LUZP2: variants seen among roughly 807,000 people sequenced by gnomAD.
LUZP2 encodes the protein leucine zipper protein 2.
Under a neutral mutation model 51.6 loss-of-function variants are expected in LUZP2, and 52 were observed. The observed-to-expected ratio is 1.01, with a 90% CI of 0.81 to 1.27. The LOEUF (loss-of-function observed/expected upper bound fraction) is 1.27, where lower values mean the gene tolerates loss of function less well. LUZP2 is among the 50% of genes most tolerant of loss of function. The pLI is 0.00. For synonymous variants in LUZP2, 154 were observed against 137.3 expected (o/e 1.12, Z -0.85); for missense variants, 436 against 395.4 (o/e 1.10, Z -0.87).
chr11:24,808,414 T>C (rs866068152), intron 5 of LUZP2, among the ~76,000 whole-genome samples: 1 of 152,216 alleles, frequency 6.6e-6, no homozygotes, highest in African/African-American at 2.4e-5. Flanking sequence ...ACCTTTCCTG[T>C]AGGTGTTATC....
intron 1 of LUZP2, among the ~76,000 whole-genome samples, chr11:24,720,720 T>C (rs1239059530): frequency 6.6e-6 from 1 of 152,182 alleles, no homozygotes; most frequent in African/African-American, 2.4e-5. Flanking sequence ...TGTTTTGTTT[T>C]GAGACAGAGT....
chr11:24,965,024 A>G (rs1208788847), intron 7 of LUZP2, among the ~76,000 whole-genome samples: 1 of 151,690 alleles, frequency 6.6e-6, no homozygotes, highest in Non-Finnish European at 1.5e-5. Flanking sequence ...ATTAAGATTT[A>G]AAAGCTATGT....
At chr11:24,546,823 T>G (rs1276192062) in intron 1 of LUZP2, among the ~76,000 whole-genome samples, 1 of 152,060 alleles carries the variant, frequency 6.6e-6, no homozygotes, top group Admixed American at 6.6e-5. Flanking sequence ...TCCTCAATTT[T>G]TTAAAATAGT....
intron 1 of LUZP2, among the ~76,000 whole-genome samples, chr11:24,603,909 G>T (rs1223832209): frequency 6.6e-6 from 1 of 151,578 alleles, no homozygotes; most frequent in Non-Finnish European, 1.5e-5. Context: ...TTATTATTGT[G>T]ATATTATCCA....
intron 1 of LUZP2, among the ~76,000 whole-genome samples, chr11:24,574,398 C>CTT (rs1852569202): frequency 1.4e-5 from 2 of 137,940 alleles, no homozygotes; most frequent in Non-Finnish European, 3.1e-5. Flanking sequence ...TCTTTCATCT[C>CTT]TCTCTCTCTC....
At chr11:24,638,657 G>A (rs963196747) in intron 1 of LUZP2, among the ~76,000 whole-genome samples, 9 of 151,426 alleles carry the variant, frequency 5.9e-5, no homozygotes, top group Admixed American at 3.9e-4. Context: ...AGGGCATATT[G>A]TGAAAAGAAA....
At chr11:24,570,773 C>A (rs1852410132) in intron 1 of LUZP2, among the ~76,000 whole-genome samples, 1 of 151,914 alleles carries the variant, frequency 6.6e-6, no homozygotes, top group African/African-American at 2.4e-5. Context: ...AATGGGGAAG[C>A]CAAGAGGTGG....
At chr11:24,631,097 C>T (rs1854873761) in intron 1 of LUZP2, among the ~76,000 whole-genome samples, 1 of 151,876 alleles carries the variant, frequency 6.6e-6, no homozygotes, top group Non-Finnish European at 1.5e-5. Context: ...TTTTCTGGTG[C>T]CATCTTTAGG....
intron 9 of LUZP2, among the ~76,000 whole-genome samples, chr11:25,040,493 TG>T (rs1858021563): frequency 1.3e-5 from 2 of 151,996 alleles, no homozygotes; most frequent in African/African-American, 4.8e-5. Flanking sequence ...CCTATTAAGG[TG>T]GAAGTCAAAG....
At chr11:24,615,473 G>A (rs1307062642) in intron 1 of LUZP2, among the ~76,000 whole-genome samples, 1 of 151,988 alleles carries the variant, frequency 6.6e-6, no homozygotes, top group Non-Finnish European at 1.5e-5. Flanking sequence ...CATCCAAATT[G>A]TTGCTTGAAT....
chr11:24,560,583 G>T (rs1430325241), intron 1 of LUZP2, among the ~76,000 whole-genome samples: 1 of 152,076 alleles, frequency 6.6e-6, no homozygotes, highest in East Asian at 1.9e-4. Flanking sequence ...AGAACACATA[G>T]GTAGCTTGAA....
intron 5 of LUZP2, among the ~76,000 whole-genome samples, chr11:24,839,179 A>G (rs756289385): frequency 1.4e-4 from 21 of 151,540 alleles, no homozygotes; most frequent in Non-Finnish European, 2.8e-4. Flanking sequence ...CTTTCAAATA[A>G]TTTTTTAAAA....
At chr11:25,066,516 G>A (rs896011868) in intron 10 of LUZP2, among the ~76,000 whole-genome samples, 7 of 151,916 alleles carry the variant, frequency 4.6e-5, no homozygotes, top group East Asian at 3.9e-4. Context: ...AATGACATTC[G>A]CTAAGGGGCT....
chr11:24,539,687 A>G (rs970787992), intron 1 of LUZP2, among the ~76,000 whole-genome samples: 3 of 152,038 alleles, frequency 2.0e-5, no homozygotes, highest in African/African-American at 7.2e-5. Flanking sequence ...AAGTACATAT[A>G]TATAGGAAGC....
intron 1 of LUZP2, among the ~76,000 whole-genome samples, chr11:24,685,579 TCTC>T (rs984728307): frequency 2.0e-5 from 3 of 152,036 alleles, no homozygotes. Context: ...TATCAAACAT[TCTC>T]CTCCTAGAAA....
intron 1 of LUZP2, among the ~76,000 whole-genome samples, chr11:24,527,360 G>T (rs1850838915): frequency 6.7e-6 from 1 of 148,284 alleles, no homozygotes; most frequent in Non-Finnish European, 1.5e-5. Flanking sequence ...GATTTTGTTT[G>T]TTATGGATAG....
In LUZP2 at chr11:25,050,540, G is replaced by T. The variant is rs1367840896; in HGVS notation, c.858+410G>T. Among the ~76,000 whole-genome samples, 3 of 151,948 alleles carry T rather than the reference G, an allele frequency of 2.0e-5. No homozygotes were observed. The South Asian group carries it at 6.2e-4, about 31-fold the overall frequency. On this transcript the variant is annotated intron_variant, in intron 10 of 11. Transcript: ENST00000336930. ...AGGCTGGTCTTGATCGCCTGACCTC[G>T]TGATCCGCCCACCTCGGCCTCCCAA...
intron 1 of LUZP2, among the ~76,000 whole-genome samples, chr11:24,645,636 G>T (rs753495196): frequency 2.0e-5 from 3 of 152,024 alleles, no homozygotes; most frequent in Admixed American, 6.6e-5. Flanking sequence ...CTGCTAGTTT[G>T]CTGTTAACAA....
chr11:24,869,963 T>C (rs144416723), intron 5 of LUZP2, among the ~76,000 whole-genome samples: 155 of 152,260 alleles, frequency 1.0e-3, no homozygotes, highest in African/African-American at 3.5e-3. Context: ...ATTGTGAATG[T>C]AAAGGCAAAG....
Sources: gnomAD v4.1 joint callset for allele counts (sites outside exome capture counted in the v4.1 genomes callset) on GRCh38, gnomAD v4.1.1 for gene constraint, MANE v1.5 for transcripts, NCBI Gene and HGNC (gene_info 2026-07-23, HGNC 2026-07-21) for gene names.